Variants in CSMD1 observed in about 807,000 individuals in gnomAD.
CSMD1 encodes CUB and Sushi multiple domains 1.
CSMD1 carries 213 observed loss-of-function variants against 417.5 expected under a neutral mutation model. The observed-to-expected ratio is 0.51, with a 90% CI of 0.46 to 0.57. The LOEUF is 0.57. CSMD1 is among the 20% of genes least tolerant of loss of function. The pLI, the probability that CSMD1 is intolerant of heterozygous loss-of-function variation, is 0.00. For synonymous variants in CSMD1, 2,862 were observed against 1,736.8 expected, an observed-to-expected ratio of 1.65 and a Z score of -16.11; for missense variants, 6,923 against 4,529.7, an observed-to-expected ratio of 1.53 and a Z score of -15.17.
chr8:3,246,456 C>G (rs1037522223), intron 26 of CSMD1, among the ~76,000 whole-genome samples: 2 of 152,068 alleles, frequency 1.3e-5, no homozygotes, highest in South Asian at 2.1e-4. Flanking sequence ...CCCCCATTCT[C>G]TTTATTTTAT....
chr8:4,691,260 A>T (rs1451230349), intron 1 of CSMD1, among the ~76,000 whole-genome samples: 7 of 152,198 alleles, frequency 4.6e-5, no homozygotes, highest in African/African-American at 1.7e-4. Flanking sequence ...ACCTGTCAGC[A>T]GAATGAATAG....
intron 26 of CSMD1, among the ~76,000 whole-genome samples, chr8:3,264,645 T>C (rs1801303928): frequency 6.6e-6 from 1 of 152,202 alleles, no homozygotes; most frequent in Admixed American, 6.5e-5. Flanking sequence ...TTCTTTCTTC[T>C]AAGGGAAGTA....
At position 3,890,653 on chromosome 8, in the gene CSMD1, C is replaced by T. The variant is rs146431213; in HGVS notation, c.818+107250G>A. Among the ~76,000 whole-genome samples the T allele has an allele frequency of 6.6e-3, 1,011 of 152,092 alleles. 5 individuals are homozygous for T. Among genetic ancestry groups the T allele is most frequent in the Non-Finnish European group, 0.011 (752 of 67,988 alleles). On this transcript the variant is annotated intron_variant, in intron 5 of 69. Transcript: ENST00000635120. ...AGAGAAATGGAGCATATTTCTAGTC[C>T]CCAAATTTAATAAAACCGATTACTC...
chr8:3,928,176 G>A (rs1809880491), intron 5 of CSMD1, among the ~76,000 whole-genome samples: 2 of 152,044 alleles, frequency 1.3e-5, no homozygotes, highest in African/African-American at 4.8e-5. Context: ...AAGCAGCTCA[G>A]AAAAGAACAT....
At chr8:3,156,513 C>T (rs1819543617) in intron 39 of CSMD1, among the ~76,000 whole-genome samples, 1 of 152,140 alleles carries the variant, frequency 6.6e-6, no homozygotes, top group Admixed American at 6.5e-5. Context: ...GAAGTAAAGT[C>T]AGGCACATGG....
chr8:4,796,509 C>A, intron 1 of CSMD1, among the ~76,000 whole-genome samples: 1 of 151,956 alleles, frequency 6.6e-6, no homozygotes, highest in East Asian at 1.9e-4. Context: ...TGGTCTTTCT[C>A]AATGACCTGG....
At chr8:4,633,285 C>T (rs1802635764) in intron 2 of CSMD1, among the ~76,000 whole-genome samples, 1 of 152,018 alleles carries the variant, frequency 6.6e-6, no homozygotes, top group Admixed American at 6.6e-5. Flanking sequence ...TTCAGTCTGT[C>T]CCCCAGGCTG....
At chr8:3,995,310 T>G (rs892872597) in intron 5 of CSMD1, among the ~76,000 whole-genome samples, 1 of 152,242 alleles carries the variant, frequency 6.6e-6, no homozygotes, top group Admixed American at 6.5e-5. Flanking sequence ...CACTTAAACG[T>G]AGTCCTTGTG....
At position 2,961,312 on chromosome 8, in the gene CSMD1, T is replaced by C. The variant is rs868756750; in HGVS notation, c.9629-98A>G. 4.8e-5 allele frequency: 29 copies of C among 609,376 alleles called. No individual in the cohort carries two copies. In the Middle Eastern group the frequency reaches 5.0e-3, roughly 105 times the overall value. The allele number at this position is 609,376 out of a possible 1,614,324, so 37.7% of individuals were successfully genotyped here. On this transcript the variant is annotated intron_variant, in intron 61 of 69. Coordinates refer to ENST00000635120, the MANE Select transcript of CSMD1 (RefSeq NM_033225.6). Reference sequence around the variant, plus strand: ...AAAAGGTCTCATGAAATAGAGAAAATATTGTTTTGAGAAATGTGCAAGATG... The same window carrying C: ...AAAAGGTCTCATGAAATAGAGAAAACATTGTTTTGAGAAATGTGCAAGATG...
At chr8:3,663,065 G>A (rs975008266) in intron 7 of CSMD1, among the ~76,000 whole-genome samples, 1 of 152,058 alleles carries the variant, frequency 6.6e-6, no homozygotes, top group Non-Finnish European at 1.5e-5. Context: ...GGAAAATGCA[G>A]ATGTCAGCAA....
intron 3 of CSMD1, among the ~76,000 whole-genome samples, chr8:4,263,044 G>C (rs755098634): frequency 8.5e-5 from 13 of 152,124 alleles, no homozygotes; most frequent in Admixed American, 2.6e-4. Flanking sequence ...TGTTAGAACA[G>C]AATTGTATTC....
At chr8:4,800,533 G>C (rs1165976065) in intron 1 of CSMD1, among the ~76,000 whole-genome samples, 1 of 152,200 alleles carries the variant, frequency 6.6e-6, no homozygotes, top group African/African-American at 2.4e-5. Context: ...TCATGTGAGA[G>C]TGATTTTTAA....
chr8:3,990,707 A>T (rs575311107), intron 5 of CSMD1, among the ~76,000 whole-genome samples: 64 of 152,338 alleles, frequency 4.2e-4, no homozygotes, highest in Non-Finnish European at 7.5e-4. Context: ...ATTCAGGCTT[A>T]ATTCTAGGCA....
chr8:4,241,190 C>T (rs1442694475), intron 3 of CSMD1, among the ~76,000 whole-genome samples: 1 of 152,168 alleles, frequency 6.6e-6, no homozygotes, highest in Non-Finnish European at 1.5e-5. Context: ...CGTGAACTCT[C>T]CAGTCAAACA....
intron 3 of CSMD1, among the ~76,000 whole-genome samples, chr8:4,374,135 C>G (rs1024826487): frequency 6.6e-6 from 1 of 152,082 alleles, no homozygotes; most frequent in African/African-American, 2.4e-5. Flanking sequence ...GACCCATCAG[C>G]TGGATAAGTA....
chr8:3,906,819 G>C (rs933749814), intron 5 of CSMD1, among the ~76,000 whole-genome samples: 1 of 151,992 alleles, frequency 6.6e-6, no homozygotes, highest in Non-Finnish European at 1.5e-5. Context: ...TGAATACATA[G>C]GCATATATCA....
chr8:3,977,655 C>T (rs764258711), intron 5 of CSMD1, among the ~76,000 whole-genome samples: 2 of 152,190 alleles, frequency 1.3e-5, no homozygotes, highest in African/African-American at 4.8e-5. Flanking sequence ...CTGGAACCTT[C>T]TCCTTTCTGC....
At chr8:3,546,463 G>C (rs1435995990) in intron 10 of CSMD1, among the ~76,000 whole-genome samples, 1 of 151,742 alleles carries the variant, frequency 6.6e-6, no homozygotes, top group Admixed American at 6.6e-5. Context: ...TTGAACCAGG[G>C]AGTCGGAGCT....
At chr8:3,443,331 G>T (rs780835349) in intron 12 of CSMD1, among the ~76,000 whole-genome samples, 2 of 152,102 alleles carry the variant, frequency 1.3e-5, no homozygotes, top group African/African-American at 2.4e-5. Flanking sequence ...GCCAGAGAAA[G>T]AGGAGAGAGA....
Sources: gnomAD v4.1 joint callset for allele counts (sites outside exome capture counted in the v4.1 genomes callset) on GRCh38, gnomAD v4.1.1 for gene constraint, MANE v1.5 for transcripts, NCBI Gene and HGNC (gene_info 2026-07-23, HGNC 2026-07-21) for gene names.